Variants in ZYG11B observed in about 807,000 individuals in gnomAD.
The protein encoded by ZYG11B is zyg-11 family member B, cell cycle regulator.
Under a neutral mutation model 82.4 loss-of-function variants are expected in ZYG11B, and 36 were observed. The observed-to-expected ratio is 0.44, with a 90% CI of 0.33 to 0.58. The LOEUF is 0.58. Ranked by LOEUF, ZYG11B falls within the 20% of genes least tolerant of loss-of-function variation. The probability of loss-of-function intolerance (pLI) is 0.02; values close to 1 mark genes in which losing one functional copy is unlikely to be tolerated. For missense variants in ZYG11B, 552 were observed against 895.6 expected (o/e 0.62, Z 4.90); for synonymous variants, 303 against 312.8 (o/e 0.97, Z 0.33).
chr1:52,739,348 T>G (rs1463596853), intron 1 of ZYG11B, among the ~76,000 whole-genome samples: 1 of 152,164 alleles, frequency 6.6e-6, no homozygotes, highest in South Asian at 2.1e-4. Flanking sequence ...TTTTTAAATT[T>G]GTAAAATGAA....
chr1:52,811,115 C>A (rs948746204), intron 10 of ZYG11B, among the ~76,000 whole-genome samples: 2 of 150,638 alleles, frequency 1.3e-5, no homozygotes, highest in Non-Finnish European at 3.0e-5. Flanking sequence ...CATTTATTAT[C>A]CTATAGGTGT....
Position 52,783,838 on chromosome 1 carries a change from A to ATATGTACATACACGTGTGTGTG in ZYG11B, c.1093-1017_1093-996dup, listed in dbSNP as rs1391494530. 3.6e-4 allele frequency among the ~76,000 whole-genome samples: 37 copies of ATATGTACATACACGTGTGTGTG among 101,784 alleles called. 1 individual carries two copies. The highest frequency in any genetic ancestry group is 5.1e-3 in the Middle Eastern group (1 of 196). 66.8% of individuals were successfully genotyped at this position (101,784 alleles called of 152,430 possible). On this transcript the variant is annotated intron_variant, in intron 4 of 13. Transcript: ENST00000294353. Reference sequence around the variant, plus strand: ...CACGTATATGTATACATACGTGTGTATATGTACATACACGTGTGTGTGTAT... The same window carrying ATATGTACATACACGTGTGTGTG: ...CACGTATATGTATACATACGTGTGTATATGTACATACACGTGTGTGTGTATGTACATACACGTGTGTGTGTAT...
intron 13 of ZYG11B, among the ~76,000 whole-genome samples, chr1:52,817,997 C>G (rs977648075): frequency 6.7e-6 from 1 of 149,886 alleles, no homozygotes; most frequent in Non-Finnish European, 1.5e-5. Flanking sequence ...ACCACCACAC[C>G]TGGCTAATTT....
At chr1:52,817,879 C>T (rs1371787946) in intron 13 of ZYG11B, among the ~76,000 whole-genome samples, 11 of 104,820 alleles carry the variant, frequency 1.0e-4, no homozygotes, top group African/African-American at 4.0e-4. Flanking sequence ...ACTTTGTCAC[C>T]CAGGCTGGAG....
chr1:52,813,362 T>C (rs1449085569), intron 10 of ZYG11B, among the ~76,000 whole-genome samples, 174 bp from the exon 11 acceptor site: 1 of 152,232 alleles, frequency 6.6e-6, no homozygotes, highest in Non-Finnish European at 1.5e-5. Flanking sequence ...TGTCTTTGGC[T>C]TACTCTTACC....
chr1:52,803,259 TATATATACACAC>T (rs1645107980), intron 10 of ZYG11B, among the ~76,000 whole-genome samples: 1 of 81,726 alleles, frequency 1.2e-5, no homozygotes, highest in African/African-American at 5.2e-5. Context: ...CATATATATA[TATATATACACAC>T]ACACACACAT....
intron 5 of ZYG11B, among the ~76,000 whole-genome samples, chr1:52,789,242 T>TA (rs1308752037): frequency 6.6e-6 from 1 of 152,210 alleles, no homozygotes; most frequent in African/African-American, 2.4e-5. Flanking sequence ...ACTAGCTGTA[T>TA]ATATCCCATT....
chr1:52,815,801 G>A (rs912875793), intron 12 of ZYG11B, among the ~76,000 whole-genome samples: 2 of 150,014 alleles, frequency 1.3e-5, no homozygotes, highest in African/African-American at 2.4e-5. Flanking sequence ...CGGGCGTGGT[G>A]GCAGGCGCCT....
At chr1:52,814,069 T>A (rs1645204264) in intron 12 of ZYG11B, among the ~76,000 whole-genome samples, 157 bp downstream of exon 12, 2 of 152,072 alleles carry the variant, frequency 1.3e-5, no homozygotes, top group African/African-American at 2.4e-5. Flanking sequence ...TCGCCATGGC[T>A]GGAGTGCAGT....
chr1:52,815,318 A>T (rs539743093), intron 12 of ZYG11B, among the ~76,000 whole-genome samples: 1 of 152,254 alleles, frequency 6.6e-6, no homozygotes, highest in Admixed American at 6.5e-5. Flanking sequence ...CCTAGGCATC[A>T]TAGTGAGACC....
chr1:52,772,725 T>G (rs1203677596), intron 3 of ZYG11B: 12 of 658,620 alleles, frequency 1.8e-5, no homozygotes, highest in Non-Finnish European at 8.2e-6. Context: ...TCGCCCAGGC[T>G]GGAGTGCAGT....
chr1:52,809,069 C>T (rs1384655846), intron 10 of ZYG11B, among the ~76,000 whole-genome samples: 1 of 152,150 alleles, frequency 6.6e-6, no homozygotes, highest in Non-Finnish European at 1.5e-5. Context: ...GGGTCAATTT[C>T]AAGTGATTAT....
chr1:52,826,815 G>A lies in ZYG11B; in HGVS notation c.*5186G>A, dbSNP rs1030252546. Reference sequence around the variant, plus strand: ...GAAATCATCAATCTATTTTATTAATGTTATGTGTTTAATTTTGGACTTATT... The same window carrying A: ...GAAATCATCAATCTATTTTATTAATATTATGTGTTTAATTTTGGACTTATT... On this transcript the variant is annotated 3_prime_UTR_variant, in exon 14 of 14. Transcript: ENST00000294353. The A allele has an allele frequency of 2.6e-5, 4 of 152,132 alleles. No homozygotes were observed. The highest frequency in any genetic ancestry group is 2.9e-5 in the Non-Finnish European group (2 of 68,012). The allele number at this position is 152,132 out of a possible 1,614,324, so 9.4% of individuals were successfully genotyped here.
At chr1:52,794,608 G>T (rs1644992607) in intron 6 of ZYG11B, among the ~76,000 whole-genome samples, 1 of 152,162 alleles carries the variant, frequency 6.6e-6, no homozygotes. Context: ...AGATGACTGT[G>T]GATCTCTGAC....
intron 2 of ZYG11B, among the ~76,000 whole-genome samples, chr1:52,766,313 G>T (rs1451633217): frequency 1.3e-5 from 2 of 151,244 alleles, no homozygotes; most frequent in East Asian, 3.9e-4. Context: ...TAGAGATGGG[G>T]TTTCGTCATG....
chr1:52,780,036 C>A, intron 4 of ZYG11B, 43 bp downstream of exon 4: 1 of 1,554,950 alleles, frequency 6.4e-7, no homozygotes, highest in Non-Finnish European at 8.7e-7. Flanking sequence ...AAATGATCTC[C>A]CTGGGCAGAT....
intron 4 of ZYG11B, among the ~76,000 whole-genome samples, chr1:52,783,972 A>G (rs1644889391): frequency 8.5e-6 from 1 of 118,006 alleles, no homozygotes; most frequent in Non-Finnish European, 1.8e-5. Context: ...ACACACATAT[A>G]CACACACACA....
chr1:52,812,352 A>C (rs1045185672), intron 10 of ZYG11B, among the ~76,000 whole-genome samples: 1 of 152,074 alleles, frequency 6.6e-6, no homozygotes, highest in Admixed American at 6.6e-5. Context: ...CTTGCAGATC[A>C]AGTTGCTCTT....
chr1:52,777,884 G>A (rs1017093412), intron 3 of ZYG11B, among the ~76,000 whole-genome samples: 4 of 152,112 alleles, frequency 2.6e-5, no homozygotes, highest in South Asian at 2.1e-4. Flanking sequence ...TCTGAATGAC[G>A]TTTTTTGGCA....
Sources: allele counts gnomAD v4.1 joint callset (sites outside exome capture counted in the v4.1 genomes callset), GRCh38; gene constraint gnomAD v4.1.1; transcripts MANE v1.5; gene names NCBI Gene and HGNC (gene_info 2026-07-23, HGNC 2026-07-21).